The following SUGCT variants were observed in gnomAD, a reference collection of about 807,000 sequenced individuals.
SUGCT encodes the protein succinyl-CoA:glutarate-CoA transferase.
A neutral mutation model predicts 55.0 loss-of-function variants in SUGCT; 41 were observed. The ratio of observed to expected loss-of-function variants is 0.74; its 90% CI spans 0.58 to 0.97. The LOEUF (loss-of-function observed/expected upper bound fraction) is 0.97. Among genes scored for constraint, SUGCT ranks in the 50% least tolerant of loss-of-function variants. The pLI, the probability that SUGCT is intolerant of heterozygous loss-of-function variation, is 0.00. For synonymous variants in SUGCT, 187 were observed against 200.4 expected, an observed-to-expected ratio of 0.93 and a Z score of 0.56; for missense variants, 568 against 547.8, an observed-to-expected ratio of 1.04 and a Z score of -0.37.
chr7:40,332,463 T>G (rs1796373057), intron 9 of SUGCT, among the ~76,000 whole-genome samples: 2 of 151,880 alleles, frequency 1.3e-5, no homozygotes, highest in African/African-American at 4.8e-5. Context: ...TTGTTTTTTT[T>G]TTTTTACATA....
At chr7:40,395,595 A>G (rs1004955493) in intron 9 of SUGCT, among the ~76,000 whole-genome samples, 7 of 150,590 alleles carry the variant, frequency 4.6e-5, no homozygotes, top group Non-Finnish European at 7.4e-5. Flanking sequence ...AGTGATTTGT[A>G]TGCAGATTCA....
intron 8 of SUGCT, among the ~76,000 whole-genome samples, chr7:40,289,292 G>A (rs921663231): frequency 6.6e-6 from 1 of 152,088 alleles, no homozygotes; most frequent in African/African-American, 2.4e-5. Context: ...ACCTGTGGGG[G>A]ATACATTTTA....
chr7:40,716,906 G>T (rs894726107), intron 12 of SUGCT, among the ~76,000 whole-genome samples: 6 of 151,908 alleles, frequency 3.9e-5, no homozygotes, highest in Non-Finnish European at 7.4e-5. Flanking sequence ...ACCATGAATT[G>T]TAATATATAA....
intron 11 of SUGCT, among the ~76,000 whole-genome samples, chr7:40,469,067 A>G (rs1410453002): frequency 1.3e-5 from 2 of 152,146 alleles, no homozygotes; most frequent in Non-Finnish European, 2.9e-5. Flanking sequence ...CCATATCTAC[A>G]TGTTTTTAAT....
intron 13 of SUGCT, among the ~76,000 whole-genome samples, chr7:40,786,914 A>G (rs1391443811): frequency 6.6e-6 from 1 of 152,212 alleles, no homozygotes; most frequent in Non-Finnish European, 1.5e-5. Context: ...TCTAGTAACC[A>G]GTATGAATGT....
intron 9 of SUGCT, among the ~76,000 whole-genome samples, chr7:40,362,789 C>T (rs936536855): frequency 6.6e-6 from 1 of 152,100 alleles, no homozygotes; most frequent in South Asian, 2.1e-4. Context: ...GTACAGCTAT[C>T]TCTATGATCT....
intron 12 of SUGCT, among the ~76,000 whole-genome samples, chr7:40,649,495 A>G (rs1466922657): frequency 1.3e-5 from 2 of 152,168 alleles, no homozygotes; most frequent in Non-Finnish European, 2.9e-5. Flanking sequence ...GCACTATGCT[A>G]TCAGGCCTTC....
intron 7 of SUGCT, among the ~76,000 whole-genome samples, chr7:40,256,268 T>A (rs1790806255): frequency 6.6e-6 from 1 of 152,194 alleles, no homozygotes; most frequent in Non-Finnish European, 1.5e-5. Context: ...CAGATACAGA[T>A]GAAATTTCAG....
chr7:40,934,048 C>G, the SUGCT span, among the ~76,000 whole-genome samples: 3 of 152,188 alleles, frequency 2.0e-5, no homozygotes, highest in African/African-American at 7.2e-5. Context: ...CTTTTCTGCT[C>G]TGGTTTCTCC....
At chr7:40,508,370 A>G (rs928115739) in intron 12 of SUGCT, among the ~76,000 whole-genome samples, 5 of 152,172 alleles carry the variant, frequency 3.3e-5, no homozygotes, top group African/African-American at 9.7e-5. Context: ...CATTTTTGCT[A>G]TGTCTGCCTA....
At chr7:40,549,883 C>G (rs1197787235) in intron 12 of SUGCT, among the ~76,000 whole-genome samples, 1 of 152,120 alleles carries the variant, frequency 6.6e-6, no homozygotes, top group African/African-American at 2.4e-5. Context: ...GAGGAATATA[C>G]AGTGCTGTCC....
chr7:40,796,271 T>C (rs1427795764), intron 13 of SUGCT, among the ~76,000 whole-genome samples: 1 of 152,114 alleles, frequency 6.6e-6, no homozygotes, highest in Non-Finnish European at 1.5e-5. Context: ...TAGTCATCAA[T>C]CCATGAAAAC....
chr7:40,585,073 T>G (rs1183227222), intron 12 of SUGCT, among the ~76,000 whole-genome samples: 1 of 152,230 alleles, frequency 6.6e-6, no homozygotes, highest in African/African-American at 2.4e-5. Flanking sequence ...GAAATTGGAA[T>G]GATCCCATCA....
the SUGCT span, among the ~76,000 whole-genome samples, chr7:40,890,276 TTAAA>T: frequency 3.5e-5 from 5 of 143,244 alleles, no homozygotes; most frequent in African/African-American, 1.0e-4. Context: ...ATAATATAAA[TTAAA>T]TATTTATATT....
chr7:40,619,989 A>G (rs1799189236), intron 12 of SUGCT, among the ~76,000 whole-genome samples: 1 of 152,232 alleles, frequency 6.6e-6, no homozygotes. Flanking sequence ...AAAATAGCTG[A>G]TAGTTAGAAA....
chr7:40,282,991 T>C (rs1406130000), intron 8 of SUGCT, among the ~76,000 whole-genome samples: 1 of 151,906 alleles, frequency 6.6e-6, no homozygotes, highest in Non-Finnish European at 1.5e-5. Context: ...TATTTGGATA[T>C]GAGCCCAAAA....
chr7:40,442,927 G>A (rs532167367), intron 9 of SUGCT, among the ~76,000 whole-genome samples: 1 of 152,188 alleles, frequency 6.6e-6, no homozygotes, highest in African/African-American at 2.4e-5. Flanking sequence ...CAATGTCCAA[G>A]TGTTCTCATT....
At chr7:40,856,885 CATT>C (rs1468118616) in intron 13 of SUGCT, among the ~76,000 whole-genome samples, 4 of 152,208 alleles carry the variant, frequency 2.6e-5, no homozygotes, top group Admixed American at 2.0e-4. Flanking sequence ...AAAATTCCCA[CATT>C]ATTTGCTAAT....
chr7:40,566,080 A>G (rs73689819), intron 12 of SUGCT, among the ~76,000 whole-genome samples: 3,290 of 151,926 alleles, frequency 0.022, 117 homozygotes, highest in African/African-American at 0.072. Flanking sequence ...CTCAGTGAAT[A>G]TGTGTGTTTG....
Sources: allele counts gnomAD v4.1 joint callset (sites outside exome capture counted in the v4.1 genomes callset), GRCh38; gene constraint gnomAD v4.1.1; transcripts MANE v1.5; gene names NCBI Gene and HGNC (gene_info 2026-07-23, HGNC 2026-07-21).